FHIT: variants seen among roughly 807,000 people sequenced by gnomAD.
The protein encoded by FHIT is fragile histidine triad diadenosine triphosphatase, also known as bis(5'-adenosyl)-triphosphatase.
In FHIT, 19 loss-of-function variants were observed where a neutral mutation model predicts 17.9. The ratio of observed to expected loss-of-function variants is 1.06; its 90% CI spans 0.74 to 1.56. The LOEUF (loss-of-function observed/expected upper bound fraction) is 1.56. FHIT is among the 40% of genes most tolerant of loss of function. FHIT has a pLI of 0.00. For synonymous variants in FHIT, 81 were observed against 69.7 expected (o/e 1.16, Z -0.81); for missense variants, 248 against 189.2 (o/e 1.31, Z -1.82).
At chr3:61,109,750 T>C (rs181040245) in intron 2 of FHIT, among the ~76,000 whole-genome samples, 194 of 152,266 alleles carry the variant, frequency 1.3e-3, no homozygotes, top group Non-Finnish European at 1.8e-3. Context: ...CCTCCATTAG[T>C]GTACCTTAGT....
chr3:59,749,333 T>C lies in FHIT; in HGVS notation c.*252A>G. On this transcript the variant is annotated 3_prime_UTR_variant, in exon 10 of 10. Coordinates refer to ENST00000492590, the MANE Select transcript of FHIT (RefSeq NM_002012.4). ...GGTTGCAGCAGAGAAGGAAGTTTAA[T>C]CATAAGGCTGCCGAATAAGGAGACA... 1 of 231,258 alleles carries C rather than the reference T, an allele frequency of 4.3e-6. No individual in the cohort carries two copies. Among genetic ancestry groups the C allele is most frequent in the Non-Finnish European group, 8.5e-6 (1 of 117,046 alleles). The allele number at this position is 231,258 out of a possible 1,614,324, so 14.3% of individuals were successfully genotyped here. A position where few individuals can be genotyped will look rare whatever the true frequency, so the allele number is the denominator to read the frequency against.
chr3:59,825,239 T>A (rs1391193966), intron 8 of FHIT, among the ~76,000 whole-genome samples: 1 of 152,208 alleles, frequency 6.6e-6, no homozygotes, highest in Non-Finnish European at 1.5e-5. Context: ...CCAGATGGAT[T>A]TTCTATGAAG....
rs543091002 is a variant in FHIT, at chr3:61,056,037, A to T, written c.-163-13938T>A. ...AGATAAATTGTTTTTCACTCTAGTC[A>T]CCCTGTTGTGTTAGAAAATACTAAG... On this transcript the variant is annotated intron_variant, in intron 2 of 9. Coordinates refer to ENST00000492590, the MANE Select transcript of FHIT (RefSeq NM_002012.4). Among the ~76,000 whole-genome samples the T allele has an allele frequency of 3.9e-5, 6 of 152,278 alleles. No homozygotes were observed. The South Asian group carries it at 1.2e-3, about 32-fold the overall frequency.
intron 8 of FHIT, among the ~76,000 whole-genome samples, chr3:59,791,271 C>G (rs966597561): frequency 2.0e-5 from 3 of 152,232 alleles, no homozygotes; most frequent in Non-Finnish European, 2.9e-5. Flanking sequence ...TGTAGCTTAA[C>G]TTGGGCCAGC....
chr3:60,873,796 TCC>T (rs1559792116), intron 3 of FHIT, among the ~76,000 whole-genome samples: 2 of 152,286 alleles, frequency 1.3e-5, no homozygotes, highest in African/African-American at 4.8e-5. Context: ...AATGTGTGCC[TCC>T]CATTTCAGAG....
At chr3:61,039,341 T>A (rs1305092998) in intron 3 of FHIT, among the ~76,000 whole-genome samples, 1 of 152,178 alleles carries the variant, frequency 6.6e-6, no homozygotes, top group Non-Finnish European at 1.5e-5. Context: ...ACTTTAGACA[T>A]CGTGAAATCC....
chr3:60,565,886 T>G (rs1389149188), intron 4 of FHIT, among the ~76,000 whole-genome samples: 1 of 152,188 alleles, frequency 6.6e-6, no homozygotes, highest in Non-Finnish European at 1.5e-5. Flanking sequence ...CTGCTTTCTC[T>G]TATGGGCATT....
At chr3:60,618,552 C>T (rs1228732668) in intron 4 of FHIT, among the ~76,000 whole-genome samples, 4 of 152,146 alleles carry the variant, frequency 2.6e-5, no homozygotes, top group African/African-American at 4.8e-5. Flanking sequence ...TCCGTTCCTG[C>T]GTTAATTTGC....
chr3:61,064,828 G>C (rs554131221), intron 2 of FHIT, among the ~76,000 whole-genome samples: 7 of 152,268 alleles, frequency 4.6e-5, no homozygotes, highest in African/African-American at 1.7e-4. Flanking sequence ...AAAAATTCAT[G>C]ACCCTTGACT....
At chr3:60,188,980 T>C (rs1037226030) in intron 5 of FHIT, among the ~76,000 whole-genome samples, 4 of 152,134 alleles carry the variant, frequency 2.6e-5, no homozygotes, top group Admixed American at 6.5e-5. Flanking sequence ...TGCACTTCAG[T>C]AAAAATCAGA....
chr3:60,317,253 T>C (rs1014698726), intron 5 of FHIT, among the ~76,000 whole-genome samples: 8 of 152,150 alleles, frequency 5.3e-5, no homozygotes, highest in African/African-American at 1.7e-4. Flanking sequence ...TTAAGAACTT[T>C]TGAAAATCAA....
intron 5 of FHIT, among the ~76,000 whole-genome samples, chr3:60,514,245 C>T (rs192467296): frequency 3.0e-4 from 45 of 152,352 alleles, no homozygotes; most frequent in African/African-American, 1.0e-3. Context: ...CTTAAGCTGT[C>T]TGTGGATGGC....
At chr3:61,238,218 TA>T (rs2040280668) in intron 1 of FHIT, among the ~76,000 whole-genome samples, 1 of 152,128 alleles carries the variant, frequency 6.6e-6, no homozygotes, top group Non-Finnish European at 1.5e-5. Flanking sequence ...AGAGAAATAG[TA>T]AAAGGGGATG....
chr3:60,638,472 A>G (rs774445778), intron 4 of FHIT, among the ~76,000 whole-genome samples: 11 of 152,324 alleles, frequency 7.2e-5, no homozygotes, highest in South Asian at 2.1e-4. Context: ...AGTACATTAC[A>G]TCAGTGGTTC....
chr3:61,115,229 T>C (rs2036266683), intron 2 of FHIT, among the ~76,000 whole-genome samples: 1 of 152,116 alleles, frequency 6.6e-6, no homozygotes, highest in South Asian at 2.1e-4. Flanking sequence ...TGGATAATTA[T>C]AATTGGAAAT....
chr3:60,403,359 C>T (rs1476410111), intron 5 of FHIT, among the ~76,000 whole-genome samples: 1 of 152,136 alleles, frequency 6.6e-6, no homozygotes, highest in Admixed American at 6.5e-5. Flanking sequence ...TTTCTGAGAA[C>T]TATCCAGGGA....
chr3:60,535,279 G>A (rs552260183), intron 5 of FHIT, among the ~76,000 whole-genome samples: 3 of 152,224 alleles, frequency 2.0e-5, no homozygotes, highest in South Asian at 2.1e-4. Flanking sequence ...AATTTTCATA[G>A]GAATGAGAGT....
At chr3:60,414,266 T>C (rs1702167056) in intron 5 of FHIT, among the ~76,000 whole-genome samples, 1 of 152,188 alleles carries the variant, frequency 6.6e-6, no homozygotes, top group Non-Finnish European at 1.5e-5. Flanking sequence ...ATAACTTGCA[T>C]TTCTAGTAAG....
intron 2 of FHIT, among the ~76,000 whole-genome samples, chr3:61,141,154 C>T (rs937882802): frequency 3.3e-5 from 5 of 151,454 alleles, no homozygotes; most frequent in African/African-American, 7.3e-5. Context: ...GTGAAGTTTC[C>T]GGTGATTTCT....
Sources: gnomAD v4.1 joint callset for allele counts (sites outside exome capture counted in the v4.1 genomes callset) on GRCh38, gnomAD v4.1.1 for gene constraint, MANE v1.5 for transcripts, NCBI Gene and HGNC (gene_info 2026-07-23, HGNC 2026-07-21) for gene names.